The following NEDD9 variants were observed in gnomAD, a reference collection of about 807,000 sequenced individuals.
The protein encoded by NEDD9 is enhancer of filamentation 1.
In NEDD9, 26 loss-of-function variants were observed where a neutral mutation model predicts 76.6. That is an observed-to-expected ratio of 0.34 (90% CI 0.25 to 0.47). The LOEUF (loss-of-function observed/expected upper bound fraction) is 0.47. Ranked by LOEUF, NEDD9 falls within the 20% of genes least tolerant of loss-of-function variation. The pLI is 1.00. For synonymous variants in NEDD9, 392 were observed against 414.2 expected, an observed-to-expected ratio of 0.95 and a Z score of 0.65; for missense variants, 937 against 1,058.5, an observed-to-expected ratio of 0.89 and a Z score of 1.59.
At chr6:11,298,852 C>T (rs1760965489) in intron 3 of NEDD9, among the ~76,000 whole-genome samples, 1 of 152,088 alleles carries the variant, frequency 6.6e-6, no homozygotes, top group Non-Finnish European at 1.5e-5. Flanking sequence ...CTTAAAACAT[C>T]ACAGTAAGCG....
intron 1 of NEDD9, among the ~76,000 whole-genome samples, chr6:11,215,600 T>C (rs1159320234): frequency 6.6e-6 from 1 of 152,160 alleles, no homozygotes; most frequent in Non-Finnish European, 1.5e-5. Flanking sequence ...GTCCTTTTAC[T>C]AAAATGACCT....
chr6:11,200,693 G>T, intron 2 of NEDD9: 1 of 1,278,286 alleles, frequency 7.8e-7, no homozygotes, highest in Non-Finnish European at 9.9e-7. Flanking sequence ...TGAGATCTAC[G>T]AGGCAGTGAG....
chr6:11,276,888 T>G (rs1036206000), intron 3 of NEDD9, among the ~76,000 whole-genome samples: 17 of 152,090 alleles, frequency 1.1e-4, no homozygotes, highest in African/African-American at 4.1e-4. Context: ...GGAACAAGGA[T>G]GAATAGTTCA....
intron 1 of NEDD9, among the ~76,000 whole-genome samples, chr6:11,374,437 G>A (rs1354687019): frequency 1.3e-5 from 2 of 152,156 alleles, no homozygotes; most frequent in Non-Finnish European, 2.9e-5. Flanking sequence ...ACTGTGCTTT[G>A]AGGAGAAAAT....
intron 1 of NEDD9, among the ~76,000 whole-genome samples, chr6:11,335,575 C>T (rs1335424410): frequency 6.6e-6 from 1 of 152,218 alleles, no homozygotes; most frequent in Non-Finnish European, 1.5e-5. Flanking sequence ...ACCATATTCA[C>T]CTGACCTCTC....
intron 2 of NEDD9, among the ~76,000 whole-genome samples, chr6:11,308,686 A>G (rs1726296714): frequency 6.6e-6 from 1 of 151,960 alleles, no homozygotes. Flanking sequence ...CTTTTATTTA[A>G]CAGCTTGTTA....
At chr6:11,314,277 G>C (rs977660459) in intron 2 of NEDD9, among the ~76,000 whole-genome samples, 1 of 152,160 alleles carries the variant, frequency 6.6e-6, no homozygotes, top group Non-Finnish European at 1.5e-5. Flanking sequence ...TCAGCACCTG[G>C]TGCATAGTAA....
intron 3 of NEDD9, among the ~76,000 whole-genome samples, chr6:11,292,399 T>G (rs1287645205): frequency 6.6e-6 from 1 of 152,238 alleles, no homozygotes; most frequent in Non-Finnish European, 1.5e-5. Flanking sequence ...TGACCCATAA[T>G]CAAACCCAGA....
intron 2 of NEDD9, among the ~76,000 whole-genome samples, chr6:11,325,313 C>A (rs1761899834): frequency 6.6e-6 from 1 of 151,348 alleles, no homozygotes; most frequent in African/African-American, 2.4e-5. Context: ...TGAGATCATG[C>A]CACTGCACTC....
At chr6:11,225,460 A>AT (rs1361260138) in intron 1 of NEDD9, among the ~76,000 whole-genome samples, 1 of 152,162 alleles carries the variant, frequency 6.6e-6, no homozygotes, top group Non-Finnish European at 1.5e-5. Context: ...TAGTGAGGGG[A>AT]TTAGGGAGAA....
chr6:11,211,302 A>G (rs1758784233), intron 2 of NEDD9, among the ~76,000 whole-genome samples: 2 of 152,228 alleles, frequency 1.3e-5, no homozygotes, highest in Non-Finnish European at 2.9e-5. Context: ...GGGCAGTCCC[A>G]GCAGATACAA....
chr6:11,311,263 T>C (rs1024369259), intron 2 of NEDD9, among the ~76,000 whole-genome samples: 1 of 152,188 alleles, frequency 6.6e-6, no homozygotes, highest in Non-Finnish European at 1.5e-5. Flanking sequence ...ATGTAATTAG[T>C]TAAGATGAGG....
chr6:11,269,297 T>C (rs1171237274), intron 3 of NEDD9, among the ~76,000 whole-genome samples: 3 of 152,234 alleles, frequency 2.0e-5, no homozygotes, highest in African/African-American at 7.2e-5. Flanking sequence ...GGGATGAGGA[T>C]TGAGAGAACT....
chr6:11,293,198 T>G (rs529420849), intron 3 of NEDD9, among the ~76,000 whole-genome samples: 1 of 144,690 alleles, frequency 6.9e-6, no homozygotes, highest in South Asian at 2.1e-4. Flanking sequence ...AAGTCTATGT[T>G]TTTTTTTTTG....
At chr6:11,274,524 C>T (rs1486785570) in intron 3 of NEDD9, among the ~76,000 whole-genome samples, 1 of 152,202 alleles carries the variant, frequency 6.6e-6, no homozygotes, top group Non-Finnish European at 1.5e-5. Context: ...TCCCACTAAT[C>T]AGTTATTCAA....
chr6:11,377,850 A>C (rs1762991964), intron 1 of NEDD9, among the ~76,000 whole-genome samples: 1 of 152,196 alleles, frequency 6.6e-6, no homozygotes, highest in African/African-American at 2.4e-5. Context: ...GGTGGGATCT[A>C]GTGGGAGGTA....
At position 11,190,248 on chromosome 6, in the gene NEDD9, C is replaced by T. The variant is rs1416446934; in HGVS notation, c.1621G>A (p.Asp541Asn). ...FVMVAKTVPD[D>N]AKQLTTTINT... ...ATGGTTGTGGTGAGCTGCTTGGCGT[C>T]ATCGGGCACCGTCTTTGCCACCATC... Residue 541 changes from aspartate (D) to asparagine (N), a missense_variant, in exon 5 of 7, where the codon GAC (aspartate) becomes AAC (asparagine). Coordinates refer to ENST00000379446, the MANE Select transcript of NEDD9 (RefSeq NM_006403.4). This position sits in a 1 kb window ranked among gnomAD's most constrained non-coding sequence, Gnocchi z 5.8. 6.2e-7 allele frequency: 1 copy of T among 1,614,252 alleles called. No homozygotes were observed. Among genetic ancestry groups the T allele is most frequent in the Admixed American group, 1.7e-5 (1 of 60,028 alleles).
At chr6:11,256,608 G>A (rs555718980) in intron 3 of NEDD9, among the ~76,000 whole-genome samples, 15 of 152,130 alleles carry the variant, frequency 9.9e-5, no homozygotes, top group African/African-American at 2.7e-4. Flanking sequence ...CTACAGGTGC[G>A]TGCCACCGTG....
intron 1 of NEDD9, among the ~76,000 whole-genome samples, chr6:11,216,863 A>T (rs113979851): frequency 0.021 from 3,173 of 152,256 alleles, 113 homozygotes; most frequent in African/African-American, 0.073. Flanking sequence ...TCTGATATTT[A>T]TCTTGCTCAG....
Sources: allele counts gnomAD v4.1 joint callset (sites outside exome capture counted in the v4.1 genomes callset), GRCh38; gene constraint gnomAD v4.1.1; non-coding constraint Gnocchi (gnomAD v3.1); transcripts MANE v1.5; gene names NCBI Gene and HGNC (gene_info 2026-07-23, HGNC 2026-07-21).